VIPR1: variants seen among roughly 807,000 people sequenced by gnomAD.
VIPR1 encodes vasoactive intestinal peptide receptor 1.
Under a neutral mutation model 58.8 loss-of-function variants are expected in VIPR1, and 59 were observed. That is an observed-to-expected ratio of 1.00 (90% CI 0.81 to 1.25). VIPR1 has a LOEUF of 1.25. VIPR1 is among the 50% of genes most tolerant of loss of function. The pLI is 0.00. For missense variants in VIPR1, 626 were observed against 602.7 expected (o/e 1.04, Z -0.40); for synonymous variants, 251 against 242.1 (o/e 1.04, Z -0.34).
intron 5 of VIPR1, 135 bp from the exon 6 acceptor site, chr3:42,527,856 C>A (rs1701316328): frequency 1.6e-6 from 2 of 1,266,674 alleles, no homozygotes; most frequent in East Asian, 2.3e-5. Context: ...AGGATGGGAT[C>A]CCCTTTGAGG....
chr3:42,518,745 G>GTAAATAAATAATAAAA (rs992782118), intron 2 of VIPR1, among the ~76,000 whole-genome samples: 3 of 152,288 alleles, frequency 2.0e-5, no homozygotes, highest in African/African-American at 7.2e-5. Context: ...AAATAAGTAA[G>GTAAATAAATAATAAAA]TAAATGGCGT....
Position 42,532,313 on chromosome 3 carries a change from G to A in VIPR1, c.990G>A (p.Lys330=), listed in dbSNP as rs1364576802. The change falls in exon 10 of 13, where the codon AAG becomes AAA. Residue 330 remains lysine, a synonymous_variant. Coordinates refer to ENST00000325123, the MANE Select transcript of VIPR1 (RefSeq NM_004624.4). ...AACTGCGGCCCCCAGATATCAGGAAGAGTGACAGCAGTCCATACTCGTGAG... is the reference window on the plus strand; with the variant it reads ...AACTGCGGCCCCCAGATATCAGGAAAAGTGACAGCAGTCCATACTCGTGAG... The part of the protein sequence containing the change: ...LQKLRPPDIR[K]SDSSPYSRLA... The A allele has an allele frequency of 1.2e-6, 2 of 1,614,152 alleles. No homozygotes were observed. The highest frequency in any genetic ancestry group is 3.3e-5 in the Admixed American group (2 of 60,016).
At position 42,522,101 on chromosome 3, in the gene VIPR1, ATTTTTTTT is replaced by A. The variant is rs1158302778; in HGVS notation, c.292+2793_292+2800del. Among the ~76,000 whole-genome samples the A allele has an allele frequency of 6.1e-3, 216 of 35,308 alleles. 2 individuals are homozygous for A. The highest frequency in any genetic ancestry group is 0.022 in the African/African-American group (205 of 9,260). The allele number at this position is 35,308 out of a possible 152,430, so 23.2% of individuals were successfully genotyped here. A position where few individuals can be genotyped will look rare whatever the true frequency, so the allele number is the denominator to read the frequency against. The stretch of plus-strand genomic sequence containing the variant: ...TTCGAATATATATATATATATATAT[ATTTTTTTT>A]TTTTTTTTTTTTTTTTTTTTTAGAC... On this transcript the variant is annotated intron_variant, in intron 3 of 12. Transcript: ENST00000325123.
At chr3:42,497,592 G>C (rs1409649288) in intron 1 of VIPR1, among the ~76,000 whole-genome samples, 1 of 152,150 alleles carries the variant, frequency 6.6e-6, no homozygotes, top group African/African-American at 2.4e-5. Context: ...ATACGGTTTG[G>C]CTGTGTCGCC....
chr3:42,500,314 C>T (rs1699842084), upstream of VIPR1: 1 of 152,264 alleles, frequency 6.6e-6, no homozygotes, highest in African/African-American at 2.4e-5. Flanking sequence ...GTCCCTCTCC[C>T]TCCCTCCCCA....
At position 42,525,916 on chromosome 3, in the gene VIPR1, G is replaced by A. The variant is rs769482985; in HGVS notation, c.322G>A (p.Glu108Lys). The A allele has an allele frequency of 5.0e-5, 81 of 1,613,250 alleles. No homozygotes were observed. The highest frequency in any genetic ancestry group is 4.1e-5 in the Non-Finnish European group (48 of 1,179,750). The change falls in exon 4 of 13, where the codon GAA becomes AAA. Residue 108 changes from glutamate (E) to lysine (K), a missense_variant. Coordinates refer to ENST00000325123, the MANE Select transcript of VIPR1 (RefSeq NM_004624.4). ...CAATGTAAGCCGCAGCTGCACCGAC[G>A]AAGGCTGGACGCACCTGGAGCCTGG... ...GRNVSRSCTD[E>K]GWTHLEPGPY...
intron 1 of VIPR1, among the ~76,000 whole-genome samples, chr3:42,496,446 G>C (rs989442358): frequency 4.0e-4 from 61 of 152,112 alleles, no homozygotes; most frequent in African/African-American, 1.4e-3. Flanking sequence ...AACTTGCTTT[G>C]GTTGCTGGAC....
chr3:42,507,910 C>T (rs1333480488), intron 1 of VIPR1: 4 of 141,044 alleles, frequency 2.8e-5, no homozygotes, highest in African/African-American at 5.5e-5. Flanking sequence ...TTCTCATTCT[C>T]TTCTTCTACC....
At chr3:42,493,710 A>G (rs1185053156) in intron 1 of VIPR1, among the ~76,000 whole-genome samples, 1 of 152,344 alleles carries the variant, frequency 6.6e-6, no homozygotes, top group African/African-American at 2.4e-5. Context: ...ATGGGTCAAA[A>G]GAAAGTTAAA....
chr3:42,526,596 A>T (rs930596656), intron 4 of VIPR1, among the ~76,000 whole-genome samples: 2 of 151,992 alleles, frequency 1.3e-5, no homozygotes, highest in African/African-American at 4.8e-5. Context: ...CCCCACCCTC[A>T]GGCGCCCTTC....
At chr3:42,509,991 C>G (rs1700288087) in intron 1 of VIPR1, among the ~76,000 whole-genome samples, 1 of 152,232 alleles carries the variant, frequency 6.6e-6, no homozygotes, top group Non-Finnish European at 1.5e-5. Context: ...CCCCCATCCT[C>G]AGTCTCCTGC....
intron 5 of VIPR1, 31 bp from the exon 6 acceptor site, chr3:42,527,960 T>G: frequency 1.9e-6 from 3 of 1,608,874 alleles, no homozygotes; most frequent in Non-Finnish European, 2.5e-6. Context: ...CAAGGCCCCT[T>G]TGGCCTCCCA....
chr3:42,525,056 G>C (rs1337744931), intron 3 of VIPR1, among the ~76,000 whole-genome samples: 1 of 152,068 alleles, frequency 6.6e-6, no homozygotes, highest in Non-Finnish European at 1.5e-5. Context: ...GGTGGTGGTG[G>C]TGATGAACGG....
chr3:42,517,697 G>T (rs1700703482), intron 2 of VIPR1, among the ~76,000 whole-genome samples: 1 of 152,206 alleles, frequency 6.6e-6, no homozygotes, highest in Admixed American at 6.5e-5. Context: ...GTGCGGGCTG[G>T]GCACGGTGGC....
At chr3:42,500,502 C>G (rs1304229931), upstream of VIPR1, 1 of 152,290 alleles carries the variant, frequency 6.6e-6, no homozygotes, top group African/African-American at 2.4e-5. Flanking sequence ...CATCCTGCAG[C>G]TGGCTAGGTG....
At chr3:42,526,887 G>A (rs940575482) in intron 4 of VIPR1, among the ~76,000 whole-genome samples, 9 of 152,014 alleles carry the variant, frequency 5.9e-5, no homozygotes, top group African/African-American at 1.2e-4. Flanking sequence ...TCATCCCACC[G>A]ACCCCAACTC....
intron 7 of VIPR1, 65 bp downstream of exon 7, chr3:42,530,997 G>T: frequency 1.9e-6 from 3 of 1,589,266 alleles, no homozygotes; most frequent in Admixed American, 1.7e-5. Context: ...AACTCCCTAG[G>T]GGGAGGGTGC....
intron 10 of VIPR1, 175 bp downstream of exon 10, chr3:42,532,508 C>T (rs1701626017): frequency 1.5e-6 from 1 of 674,724 alleles, no homozygotes; most frequent in African/African-American, 1.8e-5. Flanking sequence ...CTGCTCCAGC[C>T]CCACCCTCAC....
intron 6 of VIPR1, 152 bp downstream of exon 6, chr3:42,528,275 C>T (rs1318612634): frequency 5.7e-6 from 6 of 1,051,836 alleles, no homozygotes; most frequent in South Asian, 1.7e-5. Flanking sequence ...CCCCACCCAA[C>T]CCCACCTGGC....
Sources: gnomAD v4.1 joint callset for allele counts (sites outside exome capture counted in the v4.1 genomes callset) on GRCh38, gnomAD v4.1.1 for gene constraint, MANE v1.5 for transcripts, NCBI Gene and HGNC (gene_info 2026-07-23, HGNC 2026-07-21) for gene names.